BCL2A1: variants seen among roughly 807,000 people sequenced by gnomAD.
The protein encoded by BCL2A1 is bcl-2-related protein A1.
A neutral mutation model predicts 14.4 loss-of-function variants in BCL2A1; 10 were observed. The observed-to-expected ratio is 0.69, with a 90% CI of 0.43 to 1.18. The LOEUF (loss-of-function observed/expected upper bound fraction) is 1.18. Among genes scored for constraint, BCL2A1 ranks in the 50% most tolerant of loss-of-function variants. The pLI is 0.00. For missense variants in BCL2A1, 158 were observed against 205.0 expected (o/e 0.77, Z 1.40); for synonymous variants, 71 against 76.5 (o/e 0.93, Z 0.38).
At position 79,960,928 on chromosome 15, in the gene BCL2A1, GA is replaced by G; in HGVS notation, c.*138del. 7.3e-7 allele frequency: 1 copy of G among 1,364,820 alleles called. No homozygotes were observed. Among genetic ancestry groups the G allele is most frequent in the Non-Finnish European group, 1.0e-6 (1 of 983,732 alleles). 84.5% of individuals were successfully genotyped at this position (1,364,820 alleles called of 1,614,324 possible). ...ACATACAATTTATTCATTACATGGG[GA>G]CAAAATTTCCATAACTCTGGAAGGT... On this transcript the variant is annotated 3_prime_UTR_variant, in exon 2 of 2. Coordinates refer to ENST00000267953, the MANE Select transcript of BCL2A1 (RefSeq NM_004049.4).
intron 1 of BCL2A1, among the ~76,000 whole-genome samples, chr15:79,967,871 T>C (rs1347079106): frequency 6.6e-6 from 1 of 151,960 alleles, no homozygotes; most frequent in Admixed American, 6.6e-5. Context: ...TGCTTTGAAA[T>C]GACATTTCCA....
At position 79,971,160 on chromosome 15, in the gene BCL2A1, T is replaced by C; in HGVS notation, c.-41A>G. On this transcript the variant is annotated 5_prime_UTR_variant, in exon 1 of 2. Coordinates refer to ENST00000267953, the MANE Select transcript of BCL2A1 (RefSeq NM_004049.4). ...GAGCAAAGTCTTGAGCTGGCTCACC[T>C]TGAAGCTGTTGAGGCAATGTGCTGA... The C allele has an allele frequency of 6.3e-7, 1 of 1,582,250 alleles. No homozygotes were observed. Among genetic ancestry groups the C allele is most frequent in the Non-Finnish European group, 8.6e-7 (1 of 1,160,288 alleles).
chr15:79,961,040 T>C lies in BCL2A1; in HGVS notation c.*27A>G. The C allele has an allele frequency of 1.2e-6, 2 of 1,612,190 alleles. No homozygotes were observed. The highest frequency in any genetic ancestry group is 1.7e-6 in the Non-Finnish European group (2 of 1,178,656). ...ATATCAGTCAGAAAAATTAGGCCGG[T>C]TTCACAATATGGAGTGTCCTTTCTG... On this transcript the variant is annotated 3_prime_UTR_variant, in exon 2 of 2. Coordinates refer to ENST00000267953, the MANE Select transcript of BCL2A1 (RefSeq NM_004049.4).
intron 1 of BCL2A1, among the ~76,000 whole-genome samples, chr15:79,966,015 A>C (rs1257423355): frequency 6.6e-6 from 1 of 151,990 alleles, no homozygotes; most frequent in African/African-American, 2.4e-5. Context: ...CCCAACCTTT[A>C]AAATGGTGGT....
At chr15:79,967,721 A>G in intron 1 of BCL2A1, 3 of 1,359,374 alleles carry the variant, frequency 2.2e-6, no homozygotes, top group Non-Finnish European at 3.2e-6. Context: ...GAGTAAATTC[A>G]TTCATTTAAG....
rs1274881356 is a variant in BCL2A1, at chr15:79,967,531, ATTCAAAGTT to A, written c.420+3160_420+3168del. ...GCACCCGGCACATACCGCATTGTTG[ATTCAAAGTT>A]TTCATAAAGTCTCTGGGCAATTTTA... On this transcript the variant is annotated intron_variant, in intron 1 of 1. Coordinates refer to ENST00000267953, the MANE Select transcript of BCL2A1 (RefSeq NM_004049.4). 3.9e-6 allele frequency: 5 copies of A among 1,285,712 alleles called. No individual in the cohort carries two copies. The African/African-American group carries it at 7.4e-5, about 19-fold the overall frequency. The allele number at this position is 1,285,712 out of a possible 1,614,324, so 79.6% of individuals were successfully genotyped here. A position where few individuals can be genotyped will look rare whatever the true frequency, so the allele number is the denominator to read the frequency against.
At chr15:79,969,920 A>G (rs1438771846) in intron 1 of BCL2A1, among the ~76,000 whole-genome samples, 1 of 152,148 alleles carries the variant, frequency 6.6e-6, no homozygotes, top group Non-Finnish European at 1.5e-5. Flanking sequence ...ATAATTATTA[A>G]GTATATTGGA....
At chr15:79,966,271 T>C (rs1200106033) in intron 1 of BCL2A1, among the ~76,000 whole-genome samples, 1 of 152,186 alleles carries the variant, frequency 6.6e-6, no homozygotes, top group African/African-American at 2.4e-5. Context: ...TTATATACAT[T>C]ATATAAGGAA....
In BCL2A1 at chr15:79,967,731, G is replaced by A. The variant is rs78937288; in HGVS notation, c.420+2969C>T. On this transcript the variant is annotated intron_variant, in intron 1 of 1. Transcript: ENST00000267953. ...TTCAAGAGTAAATTCATTCATTTAA[G>A]CAGATTTGTCAACATCACTATGAAA... 7.3e-3 allele frequency: 9,593 copies of A among 1,308,316 alleles called. 52 individuals are homozygous for A. The highest frequency in any genetic ancestry group is 9.1e-3 in the Non-Finnish European group (8,240 of 906,036). The allele number at this position is 1,308,316 out of a possible 1,614,324, so 81.0% of individuals were successfully genotyped here. A position where few individuals can be genotyped will look rare whatever the true frequency, so the allele number is the denominator to read the frequency against.
At chr15:79,965,209 C>T (rs1057417829) in intron 1 of BCL2A1, among the ~76,000 whole-genome samples, 9 of 152,158 alleles carry the variant, frequency 5.9e-5, no homozygotes, top group Admixed American at 2.6e-4. Flanking sequence ...CTCACTGCAA[C>T]CTCCGCCTCC....
chr15:79,962,065 T>C (rs2035494944), intron 1 of BCL2A1, among the ~76,000 whole-genome samples: 1 of 152,206 alleles, frequency 6.6e-6, no homozygotes, highest in South Asian at 2.1e-4. Flanking sequence ...AGAAAATTGT[T>C]AAAATAATTT....
intron 1 of BCL2A1, 28 bp downstream of exon 1, chr15:79,970,672 C>A: frequency 6.4e-7 from 1 of 1,555,294 alleles, no homozygotes; most frequent in Non-Finnish European, 8.7e-7. Context: ...CAGGAAAGAA[C>A]AATGAAGAAT....
chr15:79,961,252 T>C, intron 1 of BCL2A1, 78 bp from the exon 2 acceptor site: 1 of 1,344,886 alleles, frequency 7.4e-7, no homozygotes, highest in Non-Finnish European at 1.0e-6. Context: ...AATATTTTCA[T>C]TTAAATAGTG....
At chr15:79,961,314 C>T (rs905437529) in intron 1 of BCL2A1, 140 bp from the exon 2 acceptor site, 2 of 770,562 alleles carry the variant, frequency 2.6e-6, no homozygotes, top group African/African-American at 3.5e-5. Context: ...CAGCATCTAA[C>T]AGAAATACAG....
At chr15:79,968,732 A>C (rs556067370) in intron 1 of BCL2A1, among the ~76,000 whole-genome samples, 1 of 152,350 alleles carries the variant, frequency 6.6e-6, no homozygotes, top group African/African-American at 2.4e-5. Context: ...GGAGTTCGAG[A>C]CCAGCCTGAC....
At chr15:79,961,314 C>G (rs905437529) in intron 1 of BCL2A1, 140 bp from the exon 2 acceptor site, 1 of 770,682 alleles carries the variant, frequency 1.3e-6, no homozygotes, top group African/African-American at 1.8e-5. Context: ...CAGCATCTAA[C>G]AGAAATACAG....
At chr15:79,964,292 C>G (rs901594867) in intron 1 of BCL2A1, among the ~76,000 whole-genome samples, 1 of 151,868 alleles carries the variant, frequency 6.6e-6, no homozygotes, top group Admixed American at 6.6e-5. Flanking sequence ...CAAAGAAAAT[C>G]AAAATCTCAG....
At chr15:79,962,891 C>T (rs930722527) in intron 1 of BCL2A1, among the ~76,000 whole-genome samples, 2 of 151,876 alleles carry the variant, frequency 1.3e-5, no homozygotes, top group Admixed American at 6.6e-5. Flanking sequence ...TATCATTGAG[C>T]AGTCATAATG....
chr15:79,968,910 A>G (rs1448092103), intron 1 of BCL2A1, among the ~76,000 whole-genome samples: 1 of 152,244 alleles, frequency 6.6e-6, no homozygotes, highest in Non-Finnish European at 1.5e-5. Context: ...AGCCTGGGCA[A>G]CAAGAATGAA....
Sources: gnomAD v4.1 joint callset for allele counts (sites outside exome capture counted in the v4.1 genomes callset) on GRCh38, gnomAD v4.1.1 for gene constraint, MANE v1.5 for transcripts, NCBI Gene and HGNC (gene_info 2026-07-23, HGNC 2026-07-21) for gene names.